MFHAS1: variants seen among roughly 807,000 people sequenced by gnomAD.
MFHAS1 encodes malignant fibrous histiocytoma-amplified sequence 1.
MFHAS1 carries 50 observed loss-of-function variants against 70.4 expected under a neutral mutation model. The observed-to-expected ratio is 0.71, with a 90% CI of 0.57 to 0.90. The LOEUF (loss-of-function observed/expected upper bound fraction) is 0.90. MFHAS1 is among the 40% of genes least tolerant of loss of function. The probability of loss-of-function intolerance (pLI) is 0.00; values close to 1 mark genes in which losing one functional copy is unlikely to be tolerated. For missense variants in MFHAS1, 1,795 were observed against 1,347.6 expected (o/e 1.33, Z -5.20); for synonymous variants, 952 against 620.0 (o/e 1.54, Z -7.96).
intron 1 of MFHAS1, among the ~76,000 whole-genome samples, chr8:8,815,410 T>A (rs11775486): frequency 0.14 from 20,881 of 152,180 alleles, 1,853 homozygotes; most frequent in Non-Finnish European, 0.2. Context: ...TCAAACGGTA[T>A]TTCTGGTTCT....
At chr8:8,796,967 G>T (rs529370807) in intron 2 of MFHAS1, among the ~76,000 whole-genome samples, 1 of 152,216 alleles carries the variant, frequency 6.6e-6, no homozygotes, top group South Asian at 2.1e-4. Context: ...CTGCACTCCA[G>T]CCTGGGTGAC....
chr8:8,858,220 A>G (rs1349602473), intron 1 of MFHAS1, among the ~76,000 whole-genome samples: 2 of 152,204 alleles, frequency 1.3e-5, no homozygotes, highest in Non-Finnish European at 2.9e-5. Flanking sequence ...AGTGCCCACT[A>G]CATGCCAAGC....
At chr8:8,818,981 G>A (rs1482389021) in intron 1 of MFHAS1, among the ~76,000 whole-genome samples, 2 of 152,232 alleles carry the variant, frequency 1.3e-5, no homozygotes, top group African/African-American at 2.4e-5. Context: ...ACTAACATGT[G>A]TCAAAGAATA....
chr8:8,796,696 A>AAAATAAAAAGGC (rs1805911627), intron 2 of MFHAS1, among the ~76,000 whole-genome samples: 1 of 97,408 alleles, frequency 1.0e-5, no homozygotes, highest in Non-Finnish European at 2.3e-5. Flanking sequence ...AACAAAAAAA[A>AAAATAAAAAGGC]AAAAAAAGGC....
At chr8:8,825,056 A>G (rs186767403) in intron 1 of MFHAS1, among the ~76,000 whole-genome samples, 2 of 152,370 alleles carry the variant, frequency 1.3e-5, no homozygotes, top group Admixed American at 6.5e-5. Flanking sequence ...GCTGTCCTAG[A>G]GATTCTGCAA....
At chr8:8,845,404 C>T (rs1194865261) in intron 1 of MFHAS1, among the ~76,000 whole-genome samples, 2 of 152,130 alleles carry the variant, frequency 1.3e-5, no homozygotes, top group East Asian at 1.9e-4. Flanking sequence ...CAGAGCATAC[C>T]GGGTAGTGAA....
intron 1 of MFHAS1, among the ~76,000 whole-genome samples, chr8:8,833,166 C>T (rs1807471276): frequency 6.6e-6 from 1 of 152,172 alleles, no homozygotes; most frequent in African/African-American, 2.4e-5. Flanking sequence ...CAAAGGGGGA[C>T]TGGTGCTACA....
At chr8:8,843,338 T>C (rs1056534168) in intron 1 of MFHAS1, among the ~76,000 whole-genome samples, 5 of 149,788 alleles carry the variant, frequency 3.3e-5, no homozygotes, top group African/African-American at 1.2e-4. Flanking sequence ...AATCCCAACA[T>C]TTCGGGAGGC....
rs1296378741 is a variant in MFHAS1, at chr8:8,890,078, T to C, written c.2981A>G (p.Asn994Ser). 8 of 1,602,626 alleles carry C rather than the reference T, an allele frequency of 5.0e-6. No homozygotes were observed. The highest frequency in any genetic ancestry group is 1.3e-5 in the African/African-American group (1 of 74,706). Residue 994 changes from asparagine to serine, a missense_variant, in exon 1 of 3, where the codon AAT becomes AGT. Asn to Ser is a conservative substitution (Grantham distance 46, BLOSUM62 1). Coordinates refer to ENST00000276282, the MANE Select transcript of MFHAS1 (RefSeq NM_004225.3). ...CSKCLKRGSP[N>S]PHAFPGELLS... Reference sequence around the variant, plus strand: ...CCACTTACCTGGAAAAGCATGTGGATTGGGCGATCCTCTCTTAAGGCACTT... The same window carrying C: ...CCACTTACCTGGAAAAGCATGTGGACTGGGCGATCCTCTCTTAAGGCACTT...
chr8:8,874,331 TACACACAC>T (rs35271686), intron 1 of MFHAS1, among the ~76,000 whole-genome samples: 1,715 of 144,762 alleles, frequency 0.012, 25 homozygotes, highest in African/African-American at 0.031. Context: ...TATAACATTC[TACACACAC>T]ACACACACAC....
At chr8:8,879,889 TCACCACCCGCTGC>T (rs1809446598) in intron 1 of MFHAS1, among the ~76,000 whole-genome samples, 2 of 152,206 alleles carry the variant, frequency 1.3e-5, no homozygotes, top group African/African-American at 4.8e-5. Context: ...ACTGCCACCA[TCACCACCCGCTGC>T]CACTCTACCT....
In MFHAS1 at chr8:8,891,013, G is replaced by C; in HGVS notation, c.2046C>G (p.Ser682Arg). ...QPPQAQRLWL[S>R]WWDSARLGLQ... ...GGCCCAAGCGCGCCGAGTCCCACCA[G>C]CTTAGCCACAGTCGCTGGGCCTGAG... Residue 682 changes from serine (S) to arginine (R), a missense_variant, in exon 1 of 3, where the codon AGC becomes AGG. Ser to Arg is a moderately radical substitution (Grantham distance 110). Coordinates refer to ENST00000276282, the MANE Select transcript of MFHAS1 (RefSeq NM_004225.3). This position sits in a 1 kb window ranked among gnomAD's most constrained non-coding sequence, Gnocchi z 5.4. The C allele has an allele frequency of 6.2e-7, 1 of 1,613,894 alleles. No homozygotes were observed.
chr8:8,790,363 A>G (rs1046231094), intron 2 of MFHAS1: 28 of 985,040 alleles, frequency 2.8e-5, no homozygotes, highest in Middle Eastern at 1.0e-3. Context: ...GTTTGGGTAC[A>G]GTAAAAATGA....
intron 1 of MFHAS1, among the ~76,000 whole-genome samples, chr8:8,867,802 C>T (rs1434326619): frequency 6.6e-6 from 1 of 151,982 alleles, no homozygotes; most frequent in Non-Finnish European, 1.5e-5. Flanking sequence ...CGTGATGGGC[C>T]CACCTCGGCC....
At chr8:8,870,914 G>A (rs576236257) in intron 1 of MFHAS1, among the ~76,000 whole-genome samples, 4 of 152,310 alleles carry the variant, frequency 2.6e-5, no homozygotes, top group African/African-American at 7.2e-5. Flanking sequence ...CACACAAGGA[G>A]TCCTTACTTT....
At chr8:8,869,119 G>C (rs1485899916) in intron 1 of MFHAS1, among the ~76,000 whole-genome samples, 1 of 152,150 alleles carries the variant, frequency 6.6e-6, no homozygotes, top group African/African-American at 2.4e-5. Flanking sequence ...AAGAAGAGTC[G>C]CTGCCTGCTC....
chr8:8,794,503 A>C (rs1805827504), intron 2 of MFHAS1, among the ~76,000 whole-genome samples: 1 of 152,172 alleles, frequency 6.6e-6, no homozygotes, highest in South Asian at 2.1e-4. Context: ...TGGGTGCTTA[A>C]GGCGGTGAAG....
At chr8:8,847,731 A>T (rs1038088875) in intron 1 of MFHAS1, among the ~76,000 whole-genome samples, 11 of 152,206 alleles carry the variant, frequency 7.2e-5, no homozygotes, top group African/African-American at 2.7e-4. Context: ...AATGTGTATG[A>T]ACTAAAATTC....
At chr8:8,807,515 AATTT>A (rs1806338973) in intron 1 of MFHAS1, among the ~76,000 whole-genome samples, 1 of 152,072 alleles carries the variant, frequency 6.6e-6, no homozygotes, top group Non-Finnish European at 1.5e-5. Flanking sequence ...AATGTTAATA[AATTT>A]ATTTGCCTTA....
Sources: gnomAD v4.1 joint callset for allele counts (sites outside exome capture counted in the v4.1 genomes callset) on GRCh38, gnomAD v4.1.1 for gene constraint, Gnocchi (gnomAD v3.1) non-coding constraint, MANE v1.5 for transcripts, NCBI Gene and HGNC (gene_info 2026-07-23, HGNC 2026-07-21) for gene names.